The following FCHO2 variants were observed in gnomAD, a reference collection of about 807,000 sequenced individuals.
FCHO2 encodes the protein FCH and mu domain containing endocytic adaptor 2, also known as F-BAR domain only protein 2.
FCHO2 carries 43 observed loss-of-function variants against 114.1 expected under a neutral mutation model. That is an observed-to-expected ratio of 0.38 (90% CI 0.30 to 0.49). FCHO2 has a LOEUF of 0.49. Ranked by LOEUF, FCHO2 falls within the 20% of genes least tolerant of loss-of-function variation. The probability of loss-of-function intolerance (pLI) is 0.97; values close to 1 mark genes in which losing one functional copy is unlikely to be tolerated. For synonymous variants in FCHO2, 293 were observed against 315.2 expected (o/e 0.93, Z 0.75); for missense variants, 807 against 950.4 (o/e 0.85, Z 1.98).
chr5:73,041,953 A>G (rs1390803880), intron 11 of FCHO2, among the ~76,000 whole-genome samples: 2 of 152,108 alleles, frequency 1.3e-5, no homozygotes, highest in East Asian at 1.9e-4. Flanking sequence ...GTTGATAAGT[A>G]TAGGGGTTTC....
chr5:73,065,055 A>G (rs1003485483), intron 18 of FCHO2, among the ~76,000 whole-genome samples: 2 of 151,942 alleles, frequency 1.3e-5, no homozygotes, highest in African/African-American at 4.8e-5. Context: ...TGGGTGGTAC[A>G]CAGTTATGAA....
intron 2 of FCHO2, among the ~76,000 whole-genome samples, chr5:72,975,275 G>T (rs1752796008): frequency 6.6e-6 from 1 of 152,112 alleles, no homozygotes; most frequent in South Asian, 2.1e-4. Flanking sequence ...CATATTTCTT[G>T]AAGGACCCAA....
chr5:73,038,843 G>C (rs1468800939), intron 10 of FCHO2, among the ~76,000 whole-genome samples: 4 of 152,136 alleles, frequency 2.6e-5, no homozygotes, highest in African/African-American at 4.8e-5. Flanking sequence ...AATACATATT[G>C]AAATCTGATC....
At chr5:73,002,713 C>T (rs1470775702) in intron 5 of FCHO2, among the ~76,000 whole-genome samples, 1 of 152,140 alleles carries the variant, frequency 6.6e-6, no homozygotes, top group Non-Finnish European at 1.5e-5. Flanking sequence ...TGTTTAGTTC[C>T]TAGCCTATCA....
intron 2 of FCHO2, among the ~76,000 whole-genome samples, 149 bp from the exon 3 acceptor site, chr5:72,989,266 TGAAGATAGGCCG>T (rs1422889184): frequency 3.9e-5 from 6 of 152,210 alleles, no homozygotes; most frequent in African/African-American, 1.4e-4. Context: ...AAAGGACATT[TGAAGATAGGCCG>T]GAAATTCATG....
intron 5 of FCHO2, chr5:72,997,116 A>T: frequency 8.7e-7 from 1 of 1,155,108 alleles, no homozygotes; most frequent in African/African-American, 1.5e-5. Context: ...CTGGATCCGG[A>T]TGAGATACTT....
chr5:73,001,269 G>A (rs960741975), intron 5 of FCHO2, among the ~76,000 whole-genome samples: 18 of 151,454 alleles, frequency 1.2e-4, no homozygotes, highest in African/African-American at 3.9e-4. Context: ...GTGTGAGATC[G>A]CACCATTGCA....
intron 2 of FCHO2, among the ~76,000 whole-genome samples, chr5:72,986,903 G>A (rs1375688529): frequency 2.1e-5 from 3 of 140,314 alleles, no homozygotes; most frequent in East Asian, 2.1e-4. Flanking sequence ...TTTTTGAGAC[G>A]GAGTCTCACT....
At chr5:72,956,473 G>C (rs1751548333) in intron 1 of FCHO2, among the ~76,000 whole-genome samples, 1 of 151,732 alleles carries the variant, frequency 6.6e-6, no homozygotes, top group Non-Finnish European at 1.5e-5. Flanking sequence ...GTGCGCGGCA[G>C]CTCGGACGCG....
intron 6 of FCHO2, among the ~76,000 whole-genome samples, chr5:73,007,224 A>G (rs968520453): frequency 6.6e-6 from 1 of 152,150 alleles, no homozygotes; most frequent in Admixed American, 6.6e-5. Context: ...TACAATATCA[A>G]GGGTTTATTA....
In FCHO2 at chr5:73,034,645, C is replaced by CT. The variant is rs747401109; in HGVS notation, c.797-5dup. 2 of 1,575,838 alleles carry CT rather than the reference C, an allele frequency of 1.3e-6. No homozygotes were observed. The highest frequency in any genetic ancestry group is 2.3e-5 in the East Asian group (1 of 44,098). ...TTTTCTACTAGAAGTTTTTCAATTT[C>CT]TTTTTTTCCAGGCCTCATTGAATTT... On this transcript the variant is annotated splice_polypyrimidine_tract_variant and intron_variant, in intron 8 of 25. Coordinates refer to ENST00000430046, the MANE Select transcript of FCHO2 (RefSeq NM_138782.3).
intron 8 of FCHO2, among the ~76,000 whole-genome samples, chr5:73,023,007 T>C (rs565372001): frequency 6.6e-6 from 1 of 152,314 alleles, no homozygotes; most frequent in African/African-American, 2.4e-5. Context: ...TCTGCTTTTG[T>C]CACATGCTTA....
At chr5:72,988,964 T>G (rs1490368358) in intron 2 of FCHO2, among the ~76,000 whole-genome samples, 2 of 152,172 alleles carry the variant, frequency 1.3e-5, no homozygotes, top group Non-Finnish European at 2.9e-5. Flanking sequence ...ATCTCAGCAC[T>G]TTGGGAGGCC....
At chr5:73,018,386 A>T (rs1167101028) in intron 8 of FCHO2, among the ~76,000 whole-genome samples, 2 of 152,186 alleles carry the variant, frequency 1.3e-5, no homozygotes, top group Admixed American at 6.5e-5. Context: ...TCTTTTGCCT[A>T]TACAGTTATG....
chr5:73,051,516 A>C lies in FCHO2; in HGVS notation c.997+110A>C, dbSNP rs145812671. On this transcript the variant is annotated intron_variant, in intron 12 of 25. Coordinates refer to ENST00000430046, the MANE Select transcript of FCHO2 (RefSeq NM_138782.3). ...TCCAATTTTTTATTAATTATAAAAT[A>C]TGGTTCCTTGTTTGTCATTTGACAT... 2.1e-3 allele frequency: 1,399 copies of C among 664,034 alleles called. 9 individuals are homozygous for C. The Middle Eastern group carries it at 0.027, about 13-fold the overall frequency. 41.1% of individuals were successfully genotyped at this position (664,034 alleles called of 1,614,324 possible). A position where few individuals can be genotyped will look rare whatever the true frequency, so the allele number is the denominator to read the frequency against.
At chr5:73,000,846 C>T (rs1427691302) in intron 5 of FCHO2, among the ~76,000 whole-genome samples, 1 of 152,024 alleles carries the variant, frequency 6.6e-6, no homozygotes, top group Non-Finnish European at 1.5e-5. Context: ...AGTCTCAAGC[C>T]ATCTTCCTGC....
intron 5 of FCHO2, among the ~76,000 whole-genome samples, chr5:73,000,327 C>G (rs1015762582): frequency 6.6e-6 from 1 of 151,880 alleles, no homozygotes; most frequent in Non-Finnish European, 1.5e-5. Context: ...CAAAATTAGC[C>G]GAGTATGGTG....
chr5:73,015,803 T>G, intron 7 of FCHO2, 79 bp downstream of exon 7: 1 of 804,136 alleles, frequency 1.2e-6, no homozygotes, highest in Non-Finnish European at 1.9e-6. Flanking sequence ...TTTCTCACTC[T>G]GTTCAAAGTT....
chr5:73,076,300 A>C (rs778102357), intron 20 of FCHO2, among the ~76,000 whole-genome samples: 25 of 152,128 alleles, frequency 1.6e-4, no homozygotes, highest in Non-Finnish European at 2.5e-4. Context: ...AAGGTGATGC[A>C]GTCTAGACAA....
Sources: allele counts gnomAD v4.1 joint callset (sites outside exome capture counted in the v4.1 genomes callset), GRCh38; gene constraint gnomAD v4.1.1; transcripts MANE v1.5; gene names NCBI Gene and HGNC (gene_info 2026-07-23, HGNC 2026-07-21).